The following IRF2 variants were observed in gnomAD, a reference collection of about 807,000 sequenced individuals.
The protein encoded by IRF2 is interferon regulatory factor 2.
In IRF2, 15 loss-of-function variants were observed where a neutral mutation model predicts 40.6. The observed-to-expected ratio is 0.37, with a 90% CI of 0.25 to 0.57. The LOEUF (loss-of-function observed/expected upper bound fraction) is 0.57. Among genes scored for constraint, IRF2 ranks in the 20% least tolerant of loss-of-function variants. The probability of loss-of-function intolerance (pLI) is 0.77; values close to 1 mark genes in which losing one functional copy is unlikely to be tolerated. For missense variants in IRF2, 317 were observed against 455.7 expected, an observed-to-expected ratio of 0.70 and a Z score of 2.77; for synonymous variants, 151 against 165.5, an observed-to-expected ratio of 0.91 and a Z score of 0.67.
At chr4:184,419,592 G>T in intron 2 of IRF2, 24 bp from the exon 3 acceptor site, 3 of 779,938 alleles carry the variant, frequency 3.8e-6, no homozygotes, top group East Asian at 3.3e-5. Context: ...AAAAAAAAAA[G>T]GTAAAGAACT....
chr4:184,428,766 T>G, intron 2 of IRF2: 1 of 584,340 alleles, frequency 1.7e-6, no homozygotes, highest in Non-Finnish European at 3.2e-6. Context: ...ACCACTGCAC[T>G]CCAGCGTGGG....
chr4:184,461,236 T>C (rs149008475), intron 1 of IRF2, among the ~76,000 whole-genome samples: 9 of 152,308 alleles, frequency 5.9e-5, no homozygotes, highest in African/African-American at 2.2e-4. Context: ...GTGGGAGAAT[T>C]GTGGAAAAAC....
At position 184,445,242 on chromosome 4, in the gene IRF2, G is replaced by A. The variant is rs116892806; in HGVS notation, c.-6-16172C>T. ...GGTTGGCACAGAACAGAAGGTGAAC[G>A]TGTTTCCTGAACAGCCCAGTGTCAT... is the stretch of plus-strand genomic sequence containing the variant. On this transcript the variant is annotated intron_variant, in intron 1 of 8. Transcript: ENST00000393593. Among the ~76,000 whole-genome samples, 643 of 152,358 alleles carry A rather than the reference G, an allele frequency of 4.2e-3. 19 individuals are homozygous for A. The highest frequency in any genetic ancestry group is 0.018 in the East Asian group (94 of 5,192).
At chr4:184,438,313 C>G (rs1294798950) in intron 1 of IRF2, among the ~76,000 whole-genome samples, 1 of 152,184 alleles carries the variant, frequency 6.6e-6, no homozygotes, top group East Asian at 1.9e-4. Flanking sequence ...TTTTGCAAGT[C>G]TCTGCTAACA....
chr4:184,419,711 G>A (rs1205820442), intron 2 of IRF2, 143 bp from the exon 3 acceptor site: 1 of 625,504 alleles, frequency 1.6e-6, no homozygotes, highest in Non-Finnish European at 2.8e-6. Context: ...AAAATCTACT[G>A]TAAACCAAAC....
At chr4:184,427,588 T>C (rs996065605) in intron 2 of IRF2, among the ~76,000 whole-genome samples, 24 of 152,084 alleles carry the variant, frequency 1.6e-4, no homozygotes, top group Admixed American at 1.4e-3. Flanking sequence ...GAGGTTACAG[T>C]GAGCTGAGAT....
At chr4:184,437,434 A>G (rs914377101) in intron 1 of IRF2, among the ~76,000 whole-genome samples, 2 of 152,124 alleles carry the variant, frequency 1.3e-5, no homozygotes, top group African/African-American at 4.8e-5. Context: ...CCTGGCCTCA[A>G]GTGATCCTCC....
At chr4:184,420,371 A>G (rs1022080189) in intron 2 of IRF2, among the ~76,000 whole-genome samples, 3 of 152,316 alleles carry the variant, frequency 2.0e-5, no homozygotes, top group Admixed American at 6.5e-5. Flanking sequence ...CAGAAACCAA[A>G]TATCTCCATT....
chr4:184,399,154 T>A (rs1176192140), intron 6 of IRF2, 75 bp from the exon 7 acceptor site: 1 of 1,473,810 alleles, frequency 6.8e-7, no homozygotes, highest in African/African-American at 1.4e-5. Context: ...AGAAAGAGTC[T>A]TCCCCAAAAG....
chr4:184,407,280 A>G (rs1457012912), intron 6 of IRF2: 51 of 1,256,932 alleles, frequency 4.1e-5, no homozygotes, highest in Non-Finnish European at 4.9e-5. Context: ...ACAAAAATTC[A>G]ATGCTGAAAG....
chr4:184,394,225 G>C (rs1395852317), intron 7 of IRF2, among the ~76,000 whole-genome samples: 6 of 152,124 alleles, frequency 3.9e-5, no homozygotes, highest in Non-Finnish European at 5.9e-5. Flanking sequence ...GGGAGGGAAG[G>C]GGAGGATTTG....
chr4:184,464,456 A>T (rs1299864913), intron 1 of IRF2, among the ~76,000 whole-genome samples: 2 of 152,160 alleles, frequency 1.3e-5, no homozygotes, highest in East Asian at 3.8e-4. Context: ...ACTGTATAGC[A>T]TATGAAGATA....
chr4:184,454,495 T>G (rs116051048), intron 1 of IRF2, among the ~76,000 whole-genome samples: 3,178 of 152,266 alleles, frequency 0.021, 114 homozygotes, highest in African/African-American at 0.074. Flanking sequence ...GAAGCAAGAA[T>G]CCATGTCTCC....
chr4:184,471,736 T>C (rs1182895469), intron 1 of IRF2, among the ~76,000 whole-genome samples: 2 of 152,236 alleles, frequency 1.3e-5, no homozygotes, highest in Non-Finnish European at 2.9e-5. Context: ...TAATAAAGTG[T>C]TTCAGAAAGT....
intron 5 of IRF2, among the ~76,000 whole-genome samples, chr4:184,416,311 T>A (rs1737265872): frequency 7.6e-6 from 1 of 131,892 alleles, no homozygotes; most frequent in East Asian, 2.1e-4. Flanking sequence ...GAGTAAGACC[T>A]TGTCTCAAAA....
intron 2 of IRF2, among the ~76,000 whole-genome samples, chr4:184,423,938 T>A (rs959563128): frequency 1.3e-5 from 2 of 152,232 alleles, no homozygotes; most frequent in Non-Finnish European, 2.9e-5. Flanking sequence ...GGAGCAGTGA[T>A]GATATTAAAC....
chr4:184,389,910 A>G (rs1160198540), intron 8 of IRF2, among the ~76,000 whole-genome samples: 2 of 152,248 alleles, frequency 1.3e-5, no homozygotes, highest in Non-Finnish European at 2.9e-5. Context: ...CACGGTGTAC[A>G]GCAAGCAGCG....
intron 1 of IRF2, among the ~76,000 whole-genome samples, chr4:184,433,539 A>G (rs1737967372): frequency 6.6e-6 from 1 of 152,242 alleles, no homozygotes; most frequent in East Asian, 1.9e-4. Context: ...ATCTTCAATC[A>G]GGACTGTTAC....
chr4:184,429,422 A>G (rs557215751), intron 1 of IRF2, among the ~76,000 whole-genome samples: 23 of 152,160 alleles, frequency 1.5e-4, no homozygotes, highest in Admixed American at 5.2e-4. Flanking sequence ...AGAGGCCCCA[A>G]CGCCTTTGGG....
Sources: gnomAD v4.1 joint callset for allele counts (sites outside exome capture counted in the v4.1 genomes callset) on GRCh38, gnomAD v4.1.1 for gene constraint, MANE v1.5 for transcripts, NCBI Gene and HGNC (gene_info 2026-07-23, HGNC 2026-07-21) for gene names.